IMPG2: variants seen among roughly 807,000 people sequenced by gnomAD.
IMPG2 encodes interphotoreceptor matrix proteoglycan 2.
In IMPG2, 91 loss-of-function variants were observed where a neutral mutation model predicts 129.2. That is an observed-to-expected ratio of 0.70 (90% CI 0.59 to 0.84). The LOEUF (loss-of-function observed/expected upper bound fraction) is 0.84. Ranked by LOEUF, IMPG2 falls within the 40% of genes least tolerant of loss-of-function variation. IMPG2 has a pLI of 0.00. For synonymous variants in IMPG2, 510 were observed against 517.7 expected (o/e 0.99, Z 0.20); for missense variants, 1,430 against 1,461.7 (o/e 0.98, Z 0.35).
chr3:101,293,983 A>G lies in IMPG2; in HGVS notation c.502-2473T>C, dbSNP rs531035340. ...GCTGGTTTGATCTTCCACTCCGACC[A>G]CTAAAACTTTCTCCATATCAGCAAG... On this transcript the variant is annotated intron_variant, in intron 3 of 18. Coordinates refer to ENST00000193391, the MANE Select transcript of IMPG2 (RefSeq NM_016247.4). 3.9e-5 allele frequency among the ~76,000 whole-genome samples: 6 copies of G among 152,320 alleles called. No individual in the cohort carries two copies. The South Asian group carries it at 1.2e-3, about 32-fold the overall frequency.
intron 2 of IMPG2, among the ~76,000 whole-genome samples, chr3:101,308,327 T>C (rs1559659727): frequency 6.6e-6 from 1 of 152,200 alleles, no homozygotes; most frequent in Non-Finnish European, 1.5e-5. Context: ...CTAGCAGATG[T>C]TCCCCATGAG....
At chr3:101,247,349 G>A (rs1057035469) in intron 11 of IMPG2, among the ~76,000 whole-genome samples, 1 of 152,206 alleles carries the variant, frequency 6.6e-6, no homozygotes, top group Non-Finnish European at 1.5e-5. Context: ...TGTAATCCCA[G>A]CACTTTGGGA....
In IMPG2 at chr3:101,229,578, C is replaced by T. The variant is rs548653063; in HGVS notation, c.3435G>A (p.Arg1145=). 37 of 1,613,770 alleles carry T rather than the reference C, an allele frequency of 2.3e-5. No individual in the cohort carries two copies. The South Asian group carries it at 3.8e-4, about 17-fold the overall frequency. ...ERESPFSGSS[R]QPDSLSSIEN... is the part of the protein sequence containing the mutation. ...CAATAGATGAGAGGCTGTCAGGCTGCCTGCTGGAGCCACTAAAAGAAAGAT... is the reference window on the plus strand; with the variant it reads ...CAATAGATGAGAGGCTGTCAGGCTGTCTGCTGGAGCCACTAAAAGAAAGAT... Residue 1145 remains arginine (R), a synonymous_variant, in exon 17 of 19, where the codon AGG becomes AGA. Transcript: ENST00000193391.
At chr3:101,267,968 C>A (rs142597684) in intron 8 of IMPG2, among the ~76,000 whole-genome samples, 2,247 of 152,026 alleles carry the variant, frequency 0.015, 53 homozygotes, top group African/African-American at 0.052. Context: ...TACTGCATAA[C>A]CTTTAATATT....
At chr3:101,228,285 C>G (rs1449201111) in intron 18 of IMPG2, among the ~76,000 whole-genome samples, 5 of 152,142 alleles carry the variant, frequency 3.3e-5, no homozygotes, top group Non-Finnish European at 7.4e-5. Flanking sequence ...TAATTCAAAG[C>G]ATACTGAAAA....
chr3:101,262,373 C>T (rs563341272), intron 9 of IMPG2, among the ~76,000 whole-genome samples: 6 of 151,988 alleles, frequency 3.9e-5, no homozygotes, highest in Non-Finnish European at 5.9e-5. Flanking sequence ...GAGAGAGAAA[C>T]GGTATGTTAT....
At chr3:101,238,625 C>CT (rs1706372393) in intron 14 of IMPG2, among the ~76,000 whole-genome samples, 4 of 152,142 alleles carry the variant, frequency 2.6e-5, no homozygotes, top group Admixed American at 2.6e-4. Context: ...AACTAAGCTT[C>CT]ATATGCAAAG....
intron 10 of IMPG2, among the ~76,000 whole-genome samples, chr3:101,254,488 C>A (rs1706577848): frequency 6.6e-6 from 1 of 151,888 alleles, no homozygotes; most frequent in African/African-American, 2.4e-5. Flanking sequence ...TGATTTTGCC[C>A]ACGGGGGAGA....
chr3:101,275,076 AC>A (rs1164175437), intron 6 of IMPG2, among the ~76,000 whole-genome samples: 1 of 151,702 alleles, frequency 6.6e-6, no homozygotes, highest in Non-Finnish European at 1.5e-5. Flanking sequence ...AAAAAAAAAA[AC>A]AGGATTTGTG....
chr3:101,303,277 A>G (rs948628495), intron 3 of IMPG2, among the ~76,000 whole-genome samples: 2 of 152,240 alleles, frequency 1.3e-5, no homozygotes, highest in African/African-American at 2.4e-5. Flanking sequence ...TGAACAAACA[A>G]TGACATAATC....
intron 3 of IMPG2, among the ~76,000 whole-genome samples, chr3:101,303,703 A>G (rs1294494179): frequency 6.6e-6 from 1 of 152,192 alleles, no homozygotes; most frequent in Admixed American, 6.5e-5. Context: ...AATCATACCT[A>G]TGCCTCACTA....
chr3:101,231,004 C>A lies in IMPG2; in HGVS notation c.3375G>T (p.Arg1125Ser), dbSNP rs367649636. Residue 1125 changes from arginine (R) to serine (S), a missense_variant, in exon 16 of 19, where the codon AGG becomes AGT. Coordinates refer to ENST00000193391, the MANE Select transcript of IMPG2 (RefSeq NM_016247.4). ...TCCTGTCATGGTGTGCTTGGAGAGTCCTGATGAAGAAGTAGATGATAGCAG... is the reference window on the plus strand; with the variant it reads ...TCCTGTCATGGTGTGCTTGGAGAGTACTGATGAAGAAGTAGATGATAGCAG... ...IFSAIIYFFIRTLQAHHDRSE... is the reference protein window; with the variant it reads ...IFSAIIYFFISTLQAHHDRSE... 11 of 1,613,850 alleles carry A rather than the reference C, an allele frequency of 6.8e-6. No individual in the cohort carries two copies. The African/African-American group carries it at 1.5e-4, about 22-fold the overall frequency.
In IMPG2 at chr3:101,261,589, T is replaced by C. The variant is rs185156807; in HGVS notation, c.909-3816A>G. On this transcript the variant is annotated intron_variant, in intron 9 of 18. Transcript: ENST00000193391. ...ATCTACCTTGTCTAGTACAGATAAG[T>C]TCATTAAAGAAGATAAAATGCCTCA... 1.4e-4 allele frequency among the ~76,000 whole-genome samples: 21 copies of C among 152,246 alleles called. No homozygotes were observed. In the East Asian group the frequency reaches 3.5e-3, roughly 25 times the overall value.
intron 18 of IMPG2, chr3:101,227,950 T>G: frequency 2.3e-6 from 1 of 426,322 alleles, no homozygotes; most frequent in Admixed American, 2.5e-5. Flanking sequence ...ATTTCTCTTA[T>G]AAGCATGCAT....
chr3:101,244,515 C>T lies in IMPG2; in HGVS notation c.1816G>A (p.Gly606Arg). Residue 606 changes from glycine (G) to arginine (R), a missense_variant, in exon 13 of 19, where the codon GGG (glycine) becomes AGG (arginine). Gly to Arg is a moderately radical substitution (Grantham distance 125). Transcript: ENST00000193391. The stretch of plus-strand genomic sequence containing the variant: ...CAAGTAATCAGATCTACCTTTTGCC[C>T]AGACCCTGAACCTAAACCACCGTCA... Reference protein sequence around the residue: ...IFDGGLGSGSGQKVDLITWPW... With the variant: ...IFDGGLGSGSRQKVDLITWPW... 3 of 1,607,620 alleles carry T rather than the reference C, an allele frequency of 1.9e-6. No individual in the cohort carries two copies. Among genetic ancestry groups the T allele is most frequent in the Non-Finnish European group, 2.6e-6 (3 of 1,175,876 alleles).
chr3:101,236,983 C>T (rs1005259713), intron 14 of IMPG2, among the ~76,000 whole-genome samples: 3 of 152,164 alleles, frequency 2.0e-5, no homozygotes, highest in Non-Finnish European at 4.4e-5. Context: ...ATTCTTGCTG[C>T]CAGCACAGCA....
At chr3:101,273,491 A>T in intron 7 of IMPG2, 90 bp downstream of exon 7, 1 of 1,376,444 alleles carries the variant, frequency 7.3e-7, no homozygotes, top group Non-Finnish European at 1.0e-6. Context: ...AACAATTTGA[A>T]ACCTAAACCT....
intron 7 of IMPG2, among the ~76,000 whole-genome samples, chr3:101,270,408 C>G (rs1385970225): frequency 1.3e-5 from 2 of 152,154 alleles, no homozygotes; most frequent in Non-Finnish European, 2.9e-5. Context: ...TCAGGTAACT[C>G]CGCTGGTCAA....
In IMPG2 at chr3:101,258,201, C is replaced by T. The variant is rs1706633054; in HGVS notation, c.909-428G>A. Among the ~76,000 whole-genome samples, 3 of 152,118 alleles carry T rather than the reference C, an allele frequency of 2.0e-5. No homozygotes were observed. The South Asian group carries it at 6.2e-4, about 32-fold the overall frequency. On this transcript the variant is annotated intron_variant, in intron 9 of 18. Transcript: ENST00000193391. ...AAATCACTTCATTATTGTTGTTAGA[C>T]AAATTATGTACTGGAACATAGTTAT...
Sources: allele counts gnomAD v4.1 joint callset (sites outside exome capture counted in the v4.1 genomes callset), GRCh38; gene constraint gnomAD v4.1.1; transcripts MANE v1.5; gene names NCBI Gene and HGNC (gene_info 2026-07-23, HGNC 2026-07-21).